MALRD1: variants seen among roughly 807,000 people sequenced by gnomAD.
MALRD1 encodes the protein MAM and LDL-receptor class A domain-containing protein 1.
In MALRD1, 247 loss-of-function variants were observed where a neutral mutation model predicts 242.1. The observed-to-expected ratio is 1.02, with a 90% CI of 0.92 to 1.13. The LOEUF (loss-of-function observed/expected upper bound fraction) is 1.13. Among genes scored for constraint, MALRD1 ranks in the 50% most tolerant of loss-of-function variants. The pLI is 0.00. For synonymous variants in MALRD1, 995 were observed against 866.6 expected, an observed-to-expected ratio of 1.15 and a Z score of -2.60; for missense variants, 2,989 against 2,533.1, an observed-to-expected ratio of 1.18 and a Z score of -3.86.
intron 33 of MALRD1, among the ~76,000 whole-genome samples, chr10:19,585,883 C>G (rs368276297): frequency 0.031 from 4,788 of 152,232 alleles, 131 homozygotes; most frequent in African/African-American, 0.079. Context: ...TAGATTTGGT[C>G]TTTTCACATA....
At chr10:19,281,963 CAAA>C (rs149370838) in intron 20 of MALRD1, among the ~76,000 whole-genome samples, 21 of 79,856 alleles carry the variant, frequency 2.6e-4, no homozygotes, top group East Asian at 3.9e-4. Context: ...ACGATGTCTC[CAAA>C]AAAAAAAAAA....
intron 36 of MALRD1, among the ~76,000 whole-genome samples, chr10:19,633,357 G>A (rs1178073046): frequency 6.6e-6 from 1 of 152,198 alleles, no homozygotes; most frequent in Non-Finnish European, 1.5e-5. Context: ...TTCCCAGAGA[G>A]CATTGATATG....
rs117626056 is a variant in MALRD1, at chr10:19,436,058, C to T, written c.4846-14249C>T. The stretch of plus-strand genomic sequence containing the variant: ...GCACCTGTATCACCTGATGTATCCC[C>T]GTTATTGTGGGAATTTATTTATTTA... On this transcript the variant is annotated intron_variant, in intron 28 of 39. Coordinates refer to ENST00000454679, the MANE Select transcript of MALRD1 (RefSeq NM_001142308.3). 4.4e-3 allele frequency among the ~76,000 whole-genome samples: 672 copies of T among 152,206 alleles called. 7 individuals carry two copies. Among genetic ancestry groups the T allele is most frequent in the Admixed American group, 0.011 (167 of 15,256 alleles).
intron 19 of MALRD1, among the ~76,000 whole-genome samples, chr10:19,277,823 A>T (rs1418300361): frequency 6.6e-6 from 1 of 152,206 alleles, no homozygotes; most frequent in Non-Finnish European, 1.5e-5. Context: ...GTAAATCCCC[A>T]GTCCTCCAGA....
chr10:19,499,852 A>G (rs1837891492), intron 31 of MALRD1, among the ~76,000 whole-genome samples: 1 of 152,196 alleles, frequency 6.6e-6, no homozygotes, highest in South Asian at 2.1e-4. Flanking sequence ...CAATTACAGT[A>G]TGGACATTCA....
chr10:19,713,960 A>T (rs966916558), intron 38 of MALRD1, among the ~76,000 whole-genome samples: 2 of 152,050 alleles, frequency 1.3e-5, no homozygotes. Flanking sequence ...CGCTGCCCAA[A>T]CCTCTAGGGG....
chr10:19,047,976 A>G (rs536079482), upstream of MALRD1, among the ~76,000 whole-genome samples: 1 of 152,366 alleles, frequency 6.6e-6, no homozygotes, highest in East Asian at 1.9e-4. Context: ...AGCAATGTAT[A>G]GAACATTCAA....
At chr10:19,255,590 G>T (rs1370814251) in intron 18 of MALRD1, among the ~76,000 whole-genome samples, 1 of 152,030 alleles carries the variant, frequency 6.6e-6, no homozygotes, top group African/African-American at 2.4e-5. Flanking sequence ...ATATTCAAAA[G>T]AGATTGAGAC....
chr10:19,378,731 C>T (rs1434313346), intron 26 of MALRD1, among the ~76,000 whole-genome samples: 1 of 152,030 alleles, frequency 6.6e-6, no homozygotes, highest in Non-Finnish European at 1.5e-5. Flanking sequence ...TAATTTAGTA[C>T]AAAATTTTGT....
chr10:19,179,827 A>C (rs1370362903), intron 14 of MALRD1, among the ~76,000 whole-genome samples: 1 of 152,202 alleles, frequency 6.6e-6, no homozygotes, highest in African/African-American at 2.4e-5. Context: ...TTCTATGGTC[A>C]TAAAACTATA....
At chr10:19,689,622 A>C (rs1485493830) in intron 36 of MALRD1, among the ~76,000 whole-genome samples, 2 of 152,188 alleles carry the variant, frequency 1.3e-5, no homozygotes, top group Non-Finnish European at 2.9e-5. Context: ...AACAAGATGA[A>C]TATTGAAAAA....
chr10:19,537,304 A>G (rs781368135), intron 32 of MALRD1, among the ~76,000 whole-genome samples: 8 of 152,112 alleles, frequency 5.3e-5, no homozygotes, highest in Non-Finnish European at 1.0e-4. Flanking sequence ...TGAAAATGAA[A>G]CTTGATATCT....
At chr10:19,417,193 C>G (rs11009812) in intron 28 of MALRD1, among the ~76,000 whole-genome samples, 12,592 of 152,190 alleles carry the variant, frequency 0.083, 579 homozygotes, top group East Asian at 0.21. Flanking sequence ...TTTTTCTCTT[C>G]ACATGGTCTC....
intron 18 of MALRD1, among the ~76,000 whole-genome samples, chr10:19,249,995 T>G (rs1439475237): frequency 6.6e-6 from 1 of 152,020 alleles, no homozygotes; most frequent in Non-Finnish European, 1.5e-5. Context: ...ATATGATGAT[T>G]TTTTGTAGAA....
chr10:19,338,206 G>A (rs1201779443), intron 24 of MALRD1, among the ~76,000 whole-genome samples: 2 of 100,748 alleles, frequency 2.0e-5, no homozygotes, highest in Non-Finnish European at 4.5e-5. Context: ...TTTACATTAG[G>A]TCTCACTCTT....
intron 29 of MALRD1, among the ~76,000 whole-genome samples, chr10:19,463,916 T>C (rs1199656972): frequency 1.3e-5 from 2 of 152,116 alleles, no homozygotes; most frequent in African/African-American, 4.8e-5. Context: ...ATTCTTGCAG[T>C]AGTAAGGTGG....
chr10:19,295,131 C>T (rs1841635896), intron 21 of MALRD1, among the ~76,000 whole-genome samples: 1 of 152,002 alleles, frequency 6.6e-6, no homozygotes, highest in South Asian at 2.1e-4. Flanking sequence ...CAATGTATAG[C>T]TTTGCCACAT....
chr10:19,126,514 T>C (rs1190523966), intron 7 of MALRD1, among the ~76,000 whole-genome samples: 1 of 152,122 alleles, frequency 6.6e-6, no homozygotes, highest in Non-Finnish European at 1.5e-5. Flanking sequence ...TTTAAAGTCT[T>C]AATTTATTTT....
chr10:19,128,475 G>A (rs1415013506), intron 8 of MALRD1, 88 bp downstream of exon 8: 19 of 865,848 alleles, frequency 2.2e-5, no homozygotes, highest in Non-Finnish European at 2.6e-5. Flanking sequence ...TCTCAGTTGC[G>A]CATAGGCTTT....
Sources: gnomAD v4.1 joint callset for allele counts (sites outside exome capture counted in the v4.1 genomes callset) on GRCh38, gnomAD v4.1.1 for gene constraint, MANE v1.5 for transcripts, NCBI Gene and HGNC (gene_info 2026-07-23, HGNC 2026-07-21) for gene names.